Variants in RASEF observed in about 807,000 individuals in gnomAD.
RASEF encodes the protein RAS and EF-hand domain containing.
In RASEF, 68 loss-of-function variants were observed where a neutral mutation model predicts 90.1. The ratio of observed to expected loss-of-function variants is 0.75; its 90% CI spans 0.62 to 0.92. The LOEUF (loss-of-function observed/expected upper bound fraction) is 0.92. RASEF is among the 40% of genes least tolerant of loss of function. RASEF has a pLI of 0.00. For synonymous variants in RASEF, 331 were observed against 345.2 expected, an observed-to-expected ratio of 0.96 and a Z score of 0.46; for missense variants, 949 against 937.2, an observed-to-expected ratio of 1.01 and a Z score of -0.16.
upstream of RASEF, among the ~76,000 whole-genome samples, chr9:83,063,947 C>T (rs558938821): frequency 1.8e-4 from 27 of 152,308 alleles, 1 homozygote; most frequent in Non-Finnish European, 3.2e-4. Context: ...GCTTATGTAA[C>T]CGTGCCTTTA....
At chr9:83,089,684 C>A in the RASEF span, among the ~76,000 whole-genome samples, 8 of 152,034 alleles carry the variant, frequency 5.3e-5, no homozygotes, top group African/African-American at 1.9e-4. Context: ...TGTTGTTTGT[C>A]TTGTTGGTTT....
the RASEF span, among the ~76,000 whole-genome samples, chr9:83,218,855 G>C: frequency 1.3e-5 from 2 of 152,156 alleles, no homozygotes; most frequent in African/African-American, 4.8e-5. Context: ...AACTATCCCA[G>C]CGTGGACATT....
At chr9:83,154,396 C>A in the RASEF span, among the ~76,000 whole-genome samples, 1 of 152,292 alleles carries the variant, frequency 6.6e-6, no homozygotes, top group East Asian at 1.9e-4. Context: ...TTCTTCCCAG[C>A]ACTGAAAGTA....
intron 1 of RASEF, chr9:83,054,882 TGAG>T (rs2117879511): frequency 6.6e-6 from 1 of 151,554 alleles, no homozygotes; most frequent in South Asian, 2.1e-4. Flanking sequence ...GGGACCCACT[TGAG>T]GAGGCAGTCT....
intron 1 of RASEF, among the ~76,000 whole-genome samples, chr9:83,058,166 TTA>T (rs1830135328): frequency 6.9e-6 from 1 of 144,914 alleles, no homozygotes; most frequent in Non-Finnish European, 1.5e-5. Context: ...CCTGATGTAT[TTA>T]TGTCTTTTTT....
chr9:83,035,428 G>C (rs73651023), intron 1 of RASEF, among the ~76,000 whole-genome samples: 378 of 152,260 alleles, frequency 2.5e-3, no homozygotes, highest in African/African-American at 8.3e-3. Context: ...GGGCAATGCA[G>C]ACCTCACCCT....
chr9:83,065,721 A>G (rs1587534682), upstream of RASEF, among the ~76,000 whole-genome samples: 1 of 152,342 alleles, frequency 6.6e-6, no homozygotes, highest in African/African-American at 2.4e-5. Flanking sequence ...TATTCTGCAC[A>G]ACCACAGCTG....
At chr9:83,213,106 A>G in the RASEF span, among the ~76,000 whole-genome samples, 1 of 151,598 alleles carries the variant, frequency 6.6e-6, no homozygotes, top group East Asian at 1.9e-4. Context: ...AAAAAAAAAA[A>G]AGAAAGAAAA....
At chr9:83,092,016 T>TTTTTTTTTTTTTTTTTTTTTTTTTTTTA in the RASEF span, among the ~76,000 whole-genome samples, 1 of 141,422 alleles carries the variant, frequency 7.1e-6, no homozygotes, top group African/African-American at 2.6e-5. Context: ...TTTTTTTTTT[T>TTTTTTTTTTTTTTTTTTTTTTTTTTTTA]TTTTTTTTTT....
chr9:83,000,509 C>T lies in RASEF; in HGVS notation c.1499G>A (p.Trp500Ter). 6.2e-7 allele frequency: 1 copy of T among 1,613,820 alleles called. No individual in the cohort carries two copies. Among genetic ancestry groups the T allele is most frequent in the Non-Finnish European group, 8.5e-7 (1 of 1,179,782 alleles). The change falls in exon 11 of 17, where the codon TGG (tryptophan) becomes TAG (stop). Residue 500 changes from tryptophan to a stop codon, truncating the protein, a stop_gained. Coordinates refer to ENST00000376447, the MANE Select transcript of RASEF (RefSeq NM_152573.4). LOFTEE classifies it high-confidence loss of function. ...TTCACTAACAGACCCTTGGGGCTTC[C>T]AGTCTAAGACGGAAGCCACATCTTC... ...GLEDVASVLD[W>*]KPQGSVSEGS...
At chr9:83,158,723 T>C in the RASEF span, among the ~76,000 whole-genome samples, 115 of 142,690 alleles carry the variant, frequency 8.1e-4, no homozygotes, top group African/African-American at 2.7e-3. Context: ...TACATATATG[T>C]ATATATTTAT....
the RASEF span, among the ~76,000 whole-genome samples, chr9:83,185,275 C>T: frequency 0.013 from 1,960 of 151,812 alleles, 47 homozygotes; most frequent in African/African-American, 0.044. Flanking sequence ...AAAATAAATA[C>T]CTCCAAAATC....
chr9:83,206,292 A>C, the RASEF span, among the ~76,000 whole-genome samples: 1 of 152,072 alleles, frequency 6.6e-6, no homozygotes, highest in Non-Finnish European at 1.5e-5. Context: ...ATGAAAGAAA[A>C]AGGAATTAAT....
rs1208523529 is a variant in RASEF, at chr9:82,982,581, TGTCAG to T, written c.*91_*95del. 2.6e-5 allele frequency: 20 copies of T among 754,836 alleles called. No individual in the cohort carries two copies. Among genetic ancestry groups the T allele is most frequent in the Non-Finnish European group, 4.8e-5 (20 of 412,680 alleles). The allele number at this position is 754,836 out of a possible 1,614,324, so 46.8% of individuals were successfully genotyped here. On this transcript the variant is annotated 3_prime_UTR_variant, in exon 17 of 17. Transcript: ENST00000376447. The stretch of plus-strand genomic sequence containing the variant: ...TGCACTGTAACTCTCCATAGGACAG[TGTCAG>T]TAGGATGTGCCACTCTGTTAAGAGC...
rs1038207681 is a variant in RASEF, at chr9:83,015,841, T to C, written c.729A>G (p.Val243=). 6.2e-7 allele frequency: 1 copy of C among 1,614,056 alleles called. No homozygotes were observed. Among genetic ancestry groups the C allele is most frequent in the Non-Finnish European group, 8.5e-7 (1 of 1,179,918 alleles). Residue 243 remains valine (V), a synonymous_variant, in exon 4 of 17, where the codon GTA becomes GTG. Coordinates refer to ENST00000376447, the MANE Select transcript of RASEF (RefSeq NM_152573.4). ...TTTTAATGGTCACCTGCAGATCTCC[T>C]ACTTCAGTTTCATACTGACGTCTGA... ...SDLRRQYETE[V]GDLQVTIKKL...
intron 5 of RASEF, 76 bp downstream of exon 5, chr9:83,012,358 T>A (rs940615554): frequency 6.7e-6 from 5 of 745,930 alleles, no homozygotes; most frequent in Non-Finnish European, 1.0e-5. Context: ...CTGCTCTTCC[T>A]GGAACACTGA....
At chr9:83,110,198 CG>C in the RASEF span, among the ~76,000 whole-genome samples, 1 of 152,042 alleles carries the variant, frequency 6.6e-6, no homozygotes, top group African/African-American at 2.4e-5. Flanking sequence ...ACCAGCAAAG[CG>C]ACCATATTTT....
At chr9:83,099,945 T>G in the RASEF span, among the ~76,000 whole-genome samples, 1 of 152,300 alleles carries the variant, frequency 6.6e-6, no homozygotes, top group Non-Finnish European at 1.5e-5. Flanking sequence ...TGCAAATAAT[T>G]TAAGCAATAG....
chr9:83,042,354 G>C (rs1197291969), intron 1 of RASEF, among the ~76,000 whole-genome samples: 1 of 152,122 alleles, frequency 6.6e-6, no homozygotes, highest in Non-Finnish European at 1.5e-5. Flanking sequence ...ATTCCCCTAA[G>C]ACTCAAAAGA....
Sources: allele counts gnomAD v4.1 joint callset (sites outside exome capture counted in the v4.1 genomes callset), GRCh38; gene constraint gnomAD v4.1.1; transcripts MANE v1.5; gene names NCBI Gene and HGNC (gene_info 2026-07-23, HGNC 2026-07-21).